The following TUSC3 variants were observed in gnomAD, a reference collection of about 807,000 sequenced individuals.
TUSC3 encodes the protein dolichyl-diphosphooligosaccharide--protein glycosyltransferase subunit TUSC3.
A neutral mutation model predicts 44.8 loss-of-function variants in TUSC3; 45 were observed. The observed-to-expected ratio is 1.00, with a 90% CI of 0.79 to 1.29. TUSC3 has a LOEUF of 1.29. Ranked by LOEUF, TUSC3 falls within the 50% of genes most tolerant of loss-of-function variation. The probability of loss-of-function intolerance (pLI) is 0.00; values close to 1 mark genes in which losing one functional copy is unlikely to be tolerated. For synonymous variants in TUSC3, 212 were observed against 152.9 expected (o/e 1.39, Z -2.85); for missense variants, 519 against 437.9 (o/e 1.19, Z -1.65).
chr8:15,791,025 G>A, the TUSC3 span, among the ~76,000 whole-genome samples: 108 of 152,218 alleles, frequency 7.1e-4, 1 homozygote, highest in East Asian at 0.018. Flanking sequence ...AGAGATTGCA[G>A]TACTCAAGGC....
At chr8:15,762,210 T>G (rs1234953619) in intron 10 of TUSC3, among the ~76,000 whole-genome samples, 1 of 151,984 alleles carries the variant, frequency 6.6e-6, no homozygotes, top group African/African-American at 2.4e-5. Context: ...ATAAAGAAAT[T>G]TTTATAACTA....
chr8:15,711,466 G>T (rs1186432145), intron 6 of TUSC3, among the ~76,000 whole-genome samples: 1 of 69,124 alleles, frequency 1.4e-5, no homozygotes, highest in African/African-American at 7.7e-5. Flanking sequence ...AAAGGTACGT[G>T]TGTGTGTGTG....
intron 1 of TUSC3, among the ~76,000 whole-genome samples, chr8:15,439,465 G>A (rs1265424185): frequency 6.6e-6 from 1 of 152,180 alleles, no homozygotes; most frequent in Non-Finnish European, 1.5e-5. Flanking sequence ...GCTGAGATGG[G>A]AGGATCACTT....
intron 1 of TUSC3, among the ~76,000 whole-genome samples, chr8:15,437,175 A>G (rs566218287): frequency 1.3e-5 from 2 of 152,316 alleles, no homozygotes; most frequent in Admixed American, 6.5e-5. Context: ...CATTAGTCCC[A>G]TAGTAATTGT....
intron 1 of TUSC3, among the ~76,000 whole-genome samples, chr8:15,425,061 G>C (rs1799786884): frequency 6.6e-6 from 1 of 152,148 alleles, no homozygotes; most frequent in Admixed American, 6.5e-5. Context: ...AGAATCCTAG[G>C]AATGAGATAA....
chr8:15,688,242 C>G (rs975137811), intron 6 of TUSC3, among the ~76,000 whole-genome samples: 2 of 151,986 alleles, frequency 1.3e-5, no homozygotes, highest in Non-Finnish European at 2.9e-5. Context: ...TTGAAAAAAG[C>G]GTTTCTCATT....
At chr8:15,554,123 C>T (rs779900991) in intron 1 of TUSC3, among the ~76,000 whole-genome samples, 1 of 147,342 alleles carries the variant, frequency 6.8e-6, no homozygotes, top group Non-Finnish European at 1.5e-5. Context: ...CAAACGAGCT[C>T]CCTTGGACCT....
intron 1 of TUSC3, among the ~76,000 whole-genome samples, chr8:15,593,308 A>G (rs1411985117): frequency 1.3e-5 from 2 of 151,906 alleles, no homozygotes; most frequent in African/African-American, 2.4e-5. Context: ...TTGGTCTCGA[A>G]CTCCTGACCT....
the TUSC3 span, among the ~76,000 whole-genome samples, chr8:15,798,517 T>C: frequency 2.0e-5 from 3 of 152,076 alleles, no homozygotes; most frequent in Non-Finnish European, 2.9e-5. Flanking sequence ...TGAAGGATAG[T>C]ACAGAGAAAG....
At chr8:15,420,206 G>C (rs1174117776) in intron 1 of TUSC3, among the ~76,000 whole-genome samples, 15 of 152,018 alleles carry the variant, frequency 9.9e-5, no homozygotes, top group Non-Finnish European at 5.9e-5. Flanking sequence ...TTAAATAAGA[G>C]TTCTATGTGG....
At chr8:15,708,156 A>G (rs1809697940) in intron 6 of TUSC3, among the ~76,000 whole-genome samples, 1 of 151,968 alleles carries the variant, frequency 6.6e-6, no homozygotes. Context: ...ATTCAACCTC[A>G]CTACACTGGG....
intron 2 of TUSC3, among the ~76,000 whole-genome samples, chr8:15,626,050 G>T (rs369900114): frequency 9.8e-5 from 15 of 152,328 alleles, no homozygotes; most frequent in Admixed American, 8.5e-4. Flanking sequence ...CTGGGTGGTA[G>T]TGGTGGGAGT....
Position 15,611,484 on chromosome 8 carries a change from G to T in TUSC3, c.139-11596G>T, listed in dbSNP as rs80113658. Among the ~76,000 whole-genome samples, 97 of 152,254 alleles carry T rather than the reference G, an allele frequency of 6.4e-4. 1 individual carries two copies. The East Asian group carries it at 0.017, about 27-fold the overall frequency. On this transcript the variant is annotated intron_variant, in intron 1 of 10. Coordinates refer to ENST00000503731, the MANE Select transcript of TUSC3 (RefSeq NM_006765.4). ...TTACAGGCGTGAGCCATCGTACCTG[G>T]CTACCTTTTTGCTTTTGAATGTAAT...
At chr8:15,430,913 G>C (rs556088409) in intron 1 of TUSC3, among the ~76,000 whole-genome samples, 2 of 151,832 alleles carry the variant, frequency 1.3e-5, no homozygotes, top group South Asian at 2.1e-4. Flanking sequence ...TAAAGAGACT[G>C]TCCTTTCCCC....
At chr8:15,455,040 G>T (rs1162813990) in intron 1 of TUSC3, among the ~76,000 whole-genome samples, 1 of 152,152 alleles carries the variant, frequency 6.6e-6, no homozygotes, top group African/African-American at 2.4e-5. Flanking sequence ...GATGTTTTGA[G>T]ATCTTTGGGG....
the TUSC3 span, among the ~76,000 whole-genome samples, chr8:15,773,139 A>G: frequency 3.3e-5 from 5 of 152,230 alleles, no homozygotes; most frequent in African/African-American, 1.2e-4. Context: ...AGGTAGGACA[A>G]TTAGGTAAGG....
chr8:15,787,390 C>T, the TUSC3 span, among the ~76,000 whole-genome samples: 7 of 152,104 alleles, frequency 4.6e-5, no homozygotes, highest in Admixed American at 4.6e-4. Flanking sequence ...ATCCAAAGTA[C>T]ATGATGATTT....
chr8:15,509,644 T>G (rs1024629522), intron 2 of TUSC3, among the ~76,000 whole-genome samples: 7 of 152,042 alleles, frequency 4.6e-5, no homozygotes, highest in African/African-American at 1.7e-4. Context: ...ACAGAAACAT[T>G]GGATTAAGTA....
chr8:15,721,916 T>TATAGTATAGTATACTACTATCCTA (rs1427835914), intron 6 of TUSC3, among the ~76,000 whole-genome samples: 1 of 151,962 alleles, frequency 6.6e-6, no homozygotes, highest in South Asian at 2.1e-4. Context: ...TATACAAATA[T>TATAGTATAGTATACTACTATCCTA]ATAGTATAGT....
Sources: allele counts gnomAD v4.1 joint callset (sites outside exome capture counted in the v4.1 genomes callset), GRCh38; gene constraint gnomAD v4.1.1; transcripts MANE v1.5; gene names NCBI Gene and HGNC (gene_info 2026-07-23, HGNC 2026-07-21).